Variants in ANKRD62 observed in about 807,000 individuals in gnomAD.
ANKRD62 encodes the protein ankyrin repeat domain-containing protein 62.
A neutral mutation model predicts 98.8 loss-of-function variants in ANKRD62; 61 were observed. The ratio of observed to expected loss-of-function variants is 0.62; its 90% CI spans 0.50 to 0.76. The LOEUF is 0.76. ANKRD62 is among the 30% of genes least tolerant of loss of function. The probability of loss-of-function intolerance (pLI) is 0.00; values close to 1 mark genes in which losing one functional copy is unlikely to be tolerated. For missense variants in ANKRD62, 933 were observed against 1,082.9 expected (o/e 0.86, Z 1.94); for synonymous variants, 341 against 367.9 (o/e 0.93, Z 0.84).
At chr18:12,112,785 A>C (rs1275130338) in intron 8 of ANKRD62, among the ~76,000 whole-genome samples, 1 of 152,250 alleles carries the variant, frequency 6.6e-6, no homozygotes, top group East Asian at 1.9e-4. Context: ...CGACCTCCAC[A>C]AGGGAAGACG....
downstream of ANKRD62, among the ~76,000 whole-genome samples, chr18:12,132,407 TTCC>T (rs907496494): frequency 1.3e-5 from 2 of 152,150 alleles, no homozygotes; most frequent in Non-Finnish European, 2.9e-5. Flanking sequence ...GCCTTTTGTT[TTCC>T]TCCATTTCTT....
intron 6 of ANKRD62, chr18:12,102,400 T>C: frequency 1.8e-6 from 1 of 559,412 alleles, no homozygotes; most frequent in Non-Finnish European, 3.4e-6. Context: ...GTGTGACCAC[T>C]GGGGTTCGCA....
rs1429959955 is a variant in ANKRD62 at position 12,096,441 on chromosome 18, G to C, written c.614+139G>C. 7.4e-6 allele frequency: 4 copies of C among 544,020 alleles called. No homozygotes were observed. In the East Asian group the frequency reaches 9.4e-5, roughly 13 times the overall value. 33.7% of individuals were successfully genotyped at this position (544,020 alleles called of 1,614,324 possible). A position where few individuals can be genotyped will look rare whatever the true frequency, so the allele number is the denominator to read the frequency against. On this transcript the variant is annotated intron_variant, in intron 4 of 13. Coordinates refer to ENST00000587848, the MANE Select transcript of ANKRD62 (RefSeq NM_001277333.2). The stretch of plus-strand genomic sequence containing the variant: ...AGAGAAATACCAGCAGAAGTCATCA[G>C]GTAGAAAAACAATTATTTGGACTGG...
At chr18:12,118,494 A>G (rs1909714577) in intron 10 of ANKRD62, among the ~76,000 whole-genome samples, 1 of 152,012 alleles carries the variant, frequency 6.6e-6, no homozygotes, top group Non-Finnish European at 1.5e-5. Flanking sequence ...CTGTAATCCC[A>G]GCTACTCAGG....
the ANKRD62 span, among the ~76,000 whole-genome samples, chr18:12,139,773 C>G: frequency 3.3e-5 from 5 of 152,108 alleles, no homozygotes; most frequent in African/African-American, 1.2e-4. Context: ...TCTGGCTGCC[C>G]TTAACATTTT....
At chr18:12,118,985 G>A (rs1909727461) in intron 10 of ANKRD62, among the ~76,000 whole-genome samples, 1 of 152,132 alleles carries the variant, frequency 6.6e-6, no homozygotes, top group African/African-American at 2.4e-5. Context: ...AAAATGTTTA[G>A]TGGAGTTCAC....
At chr18:12,112,278 A>G (rs2143914055) in intron 8 of ANKRD62, among the ~76,000 whole-genome samples, 1 of 152,288 alleles carries the variant, frequency 6.6e-6, no homozygotes, top group South Asian at 2.1e-4. Flanking sequence ...CCTCAGCAAA[A>G]AGAACAAAGC....
At chr18:12,125,291 T>C (rs1909863692) in intron 12 of ANKRD62, among the ~76,000 whole-genome samples, 169 bp from the exon 13 acceptor site, 1 of 152,164 alleles carries the variant, frequency 6.6e-6, no homozygotes, top group African/African-American at 2.4e-5. Context: ...GAGAATTTAC[T>C]CTCTAAAAGG....
In ANKRD62 at chr18:12,095,270, G is replaced by T. The variant is rs1267421751; in HGVS notation, c.318G>T (p.Arg106Ser). 6.5e-7 allele frequency: 1 copy of T among 1,539,956 alleles called. No individual in the cohort carries two copies. Among genetic ancestry groups the T allele is most frequent in the Non-Finnish European group, 8.7e-7 (1 of 1,146,824 alleles). ...CQLNLTDSENRTALIKAVQCQ... is the reference protein window; with the variant it reads ...CQLNLTDSENSTALIKAVQCQ... The stretch of plus-strand genomic sequence containing the variant: ...TTAACCTCACTGACAGTGAAAACAG[G>T]ACAGCTCTGATCAAGGTATATGGTA... The change falls in exon 2 of 14, where the codon AGG becomes AGT. Residue 106 changes from arginine to serine, a missense_variant. By Grantham distance (110) the Arg-to-Ser change is moderately radical. This residue lies in a region of ANKRD62 where 549 missense variants were observed against 587.9 expected (regional missense o/e 0.93). Transcript: ENST00000587848.
At chr18:12,179,632 C>A in the ANKRD62 span, among the ~76,000 whole-genome samples, 1 of 151,514 alleles carries the variant, frequency 6.6e-6, no homozygotes, top group Non-Finnish European at 1.5e-5. Flanking sequence ...AAGCTAACTG[C>A]TGCTGCCTGG....
the ANKRD62 span, among the ~76,000 whole-genome samples, chr18:12,141,284 C>G: frequency 6.6e-6 from 1 of 152,218 alleles, no homozygotes. Flanking sequence ...AGGGAATTCC[C>G]TGACCCCTTG....
At chr18:12,141,039 A>G in the ANKRD62 span, among the ~76,000 whole-genome samples, 1 of 152,124 alleles carries the variant, frequency 6.6e-6, no homozygotes, top group Non-Finnish European at 1.5e-5. Context: ...TTACCTACTC[A>G]AGACTGAGCA....
chr18:12,107,981 C>T (rs574710383), intron 8 of ANKRD62, among the ~76,000 whole-genome samples: 18 of 152,054 alleles, frequency 1.2e-4, no homozygotes, highest in African/African-American at 2.2e-4. Context: ...GAAATTGTTG[C>T]GTGCATACAT....
At chr18:12,150,683 A>T in the ANKRD62 span, among the ~76,000 whole-genome samples, 1 of 152,148 alleles carries the variant, frequency 6.6e-6, no homozygotes, top group African/African-American at 2.4e-5. Flanking sequence ...TTAACCAAGA[A>T]TTTCATATCC....
At chr18:12,162,332 C>T in the ANKRD62 span, among the ~76,000 whole-genome samples, 2 of 152,166 alleles carry the variant, frequency 1.3e-5, no homozygotes, top group South Asian at 2.1e-4. Flanking sequence ...GAGGAAATGT[C>T]TGTTCAAATC....
chr18:12,154,764 T>C, the ANKRD62 span, among the ~76,000 whole-genome samples: 1 of 152,334 alleles, frequency 6.6e-6, no homozygotes, highest in South Asian at 2.1e-4. Flanking sequence ...GTGGTACATA[T>C]ACACCACAGA....
At chr18:12,111,174 G>A (rs566375752) in intron 8 of ANKRD62, among the ~76,000 whole-genome samples, 240 of 151,924 alleles carry the variant, frequency 1.6e-3, no homozygotes, top group African/African-American at 5.5e-3. Flanking sequence ...GCCTGAACCC[G>A]GGAGGCAGAG....
At chr18:12,135,930 A>C in the ANKRD62 span, among the ~76,000 whole-genome samples, 1 of 151,994 alleles carries the variant, frequency 6.6e-6, no homozygotes, top group African/African-American at 2.4e-5. Flanking sequence ...TTCTTTGTAG[A>C]TTCTGGATAT....
chr18:12,097,563 T>A, intron 4 of ANKRD62, 77 bp from the exon 5 acceptor site: 1 of 1,407,054 alleles, frequency 7.1e-7, no homozygotes, highest in South Asian at 1.5e-5. Context: ...CATATTAAAT[T>A]GGTAAAGTTT....
Sources: allele counts gnomAD v4.1 joint callset (sites outside exome capture counted in the v4.1 genomes callset), GRCh38; gene constraint gnomAD v4.1.1; regional missense constraint gnomAD v4.1.1; transcripts MANE v1.5; gene names NCBI Gene and HGNC (gene_info 2026-07-23, HGNC 2026-07-21).